The following PCOLCE2 variants were observed in gnomAD, a reference collection of about 807,000 sequenced individuals.
PCOLCE2 encodes the protein procollagen C-endopeptidase enhancer 2.
PCOLCE2 carries 42 observed loss-of-function variants against 47.0 expected under a neutral mutation model. The ratio of observed to expected loss-of-function variants is 0.89; its 90% CI spans 0.70 to 1.16. PCOLCE2 has a LOEUF of 1.16. Ranked by LOEUF, PCOLCE2 falls within the 50% of genes most tolerant of loss-of-function variation. PCOLCE2 has a pLI of 0.00. For synonymous variants in PCOLCE2, 169 were observed against 191.7 expected, an observed-to-expected ratio of 0.88 and a Z score of 0.98; for missense variants, 500 against 526.1, an observed-to-expected ratio of 0.95 and a Z score of 0.49.
intron 6 of PCOLCE2, among the ~76,000 whole-genome samples, chr3:142,826,638 T>C (rs748844219): frequency 3.3e-5 from 5 of 152,198 alleles, no homozygotes; most frequent in African/African-American, 9.7e-5. Context: ...ACTGAACTTA[T>C]TATCTCAATT....
chr3:142,846,315 G>A (rs370579273), intron 3 of PCOLCE2, among the ~76,000 whole-genome samples: 23 of 152,126 alleles, frequency 1.5e-4, no homozygotes, highest in African/African-American at 4.3e-4. Flanking sequence ...CTCCTGCCTC[G>A]GCCTCCCGAG....
At chr3:142,839,365 T>C (rs1578034437) in intron 4 of PCOLCE2, among the ~76,000 whole-genome samples, 1 of 151,896 alleles carries the variant, frequency 6.6e-6, no homozygotes. Context: ...CAGGCTGGAG[T>C]GCAGTGGTGC....
At chr3:142,856,144 G>C (rs994352413) in intron 2 of PCOLCE2, among the ~76,000 whole-genome samples, 1 of 152,162 alleles carries the variant, frequency 6.6e-6, no homozygotes, top group African/African-American at 2.4e-5. Context: ...CATCAGCTTT[G>C]CCTAACTGTA....
chr3:142,846,593 T>C lies in PCOLCE2; in HGVS notation c.448+1624A>G, dbSNP rs187789040. ...ATTTTTTCACTTTATTATCACTTTC[T>C]GGGACAAAAATTACAGATGTTAGAC... is the stretch of plus-strand genomic sequence containing the variant. On this transcript the variant is annotated intron_variant, in intron 3 of 8. Transcript: ENST00000295992. The C allele has an allele frequency of 8.5e-5, 13 of 152,356 alleles. No homozygotes were observed. In the East Asian group the frequency reaches 1.7e-3, roughly 20 times the overall value. The allele number at this position is 152,356 out of a possible 1,614,324, so 9.4% of individuals were successfully genotyped here.
At chr3:142,827,805 T>C (rs1937101547) in intron 6 of PCOLCE2, 1 of 583,296 alleles carries the variant, frequency 1.7e-6, no homozygotes. Flanking sequence ...GCATATCCAC[T>C]GGAAAATCTC....
intron 3 of PCOLCE2, among the ~76,000 whole-genome samples, chr3:142,846,132 G>A (rs1937326140): frequency 1.3e-5 from 2 of 152,132 alleles, no homozygotes; most frequent in African/African-American, 4.8e-5. Flanking sequence ...ATTATAATGT[G>A]CATGGGGGTG....
chr3:142,854,650 C>T (rs1434261929), intron 2 of PCOLCE2, among the ~76,000 whole-genome samples: 4 of 152,102 alleles, frequency 2.6e-5, no homozygotes, highest in Admixed American at 1.3e-4. Flanking sequence ...CTAGAAGGGG[C>T]GTGGAAACTC....
intron 3 of PCOLCE2, among the ~76,000 whole-genome samples, chr3:142,844,049 G>C (rs1033542809): frequency 6.6e-6 from 1 of 152,030 alleles, no homozygotes; most frequent in Admixed American, 6.5e-5. Flanking sequence ...CAATCCCCAC[G>C]ACCTGCTTCA....
At chr3:142,846,354 T>C (rs1473557157) in intron 3 of PCOLCE2, among the ~76,000 whole-genome samples, 2 of 152,124 alleles carry the variant, frequency 1.3e-5, no homozygotes, top group East Asian at 3.9e-4. Context: ...TGCACCACCA[T>C]GCCTGGCTAA....
At chr3:142,855,464 GTTATGATGACT>G (rs979005004) in intron 2 of PCOLCE2, among the ~76,000 whole-genome samples, 1 of 152,172 alleles carries the variant, frequency 6.6e-6, no homozygotes, top group African/African-American at 2.4e-5. Flanking sequence ...GCTGACAGCG[GTTATGATGACT>G]TGCCTAAGGC....
At chr3:142,824,952 C>T (rs994031890) in intron 6 of PCOLCE2, among the ~76,000 whole-genome samples, 5 of 152,068 alleles carry the variant, frequency 3.3e-5, no homozygotes, top group Non-Finnish European at 7.4e-5. Flanking sequence ...TAATCTGTAC[C>T]CCCTAGTTAA....
chr3:142,874,369 T>C (rs1933453956), intron 2 of PCOLCE2, among the ~76,000 whole-genome samples: 1 of 152,172 alleles, frequency 6.6e-6, no homozygotes, highest in Non-Finnish European at 1.5e-5. Context: ...CCACCGCACC[T>C]GGCCGAGCTG....
At position 142,858,608 on chromosome 3, in the gene PCOLCE2, G is replaced by A. The variant is rs527645321; in HGVS notation, c.193-10136C>T. Among the ~76,000 whole-genome samples, 12 of 152,258 alleles carry A rather than the reference G, an allele frequency of 7.9e-5. No individual in the cohort carries two copies. The South Asian group carries it at 2.5e-3, about 32-fold the overall frequency. On this transcript the variant is annotated intron_variant, in intron 2 of 8. Coordinates refer to ENST00000295992, the MANE Select transcript of PCOLCE2 (RefSeq NM_013363.4). ...CAGAAGCTGGCAGTGCCTCCCTGGG[G>A]TAAGTGGGGGGGTCCCACTAAGACA...
intron 2 of PCOLCE2, among the ~76,000 whole-genome samples, chr3:142,849,011 G>A (rs999539537): frequency 1.3e-5 from 2 of 152,056 alleles, no homozygotes; most frequent in African/African-American, 4.8e-5. Context: ...AGATTAGCCG[G>A]GTGTGGTGGG....
chr3:142,888,526 G>A (rs1224848242), intron 1 of PCOLCE2: 2 of 359,076 alleles, frequency 5.6e-6, no homozygotes, highest in Non-Finnish European at 1.0e-5. Context: ...GAGGAGAGGG[G>A]AGACACAAGT....
chr3:142,870,408 T>C (rs763395123), intron 2 of PCOLCE2, among the ~76,000 whole-genome samples: 17 of 152,220 alleles, frequency 1.1e-4, no homozygotes, highest in Non-Finnish European at 2.5e-4. Context: ...GTATTTTTCA[T>C]GTTTTGCTGC....
Position 142,848,070 on chromosome 3 carries a change from T to C in PCOLCE2, c.448+147A>G, listed in dbSNP as rs560169987. On this transcript the variant is annotated intron_variant, in intron 3 of 8. Coordinates refer to ENST00000295992, the MANE Select transcript of PCOLCE2 (RefSeq NM_013363.4). ...ATGTGGACTTAAATTAAAAGGCTGA[T>C]TTTTTGTATTGGTCTCATCATGGTT... The C allele has an allele frequency of 1.6e-4, 118 of 723,196 alleles. 1 individual carries two copies. Among genetic ancestry groups the C allele is most frequent in the South Asian group, 1.1e-3 (53 of 47,490 alleles). 44.8% of individuals were successfully genotyped at this position (723,196 alleles called of 1,614,324 possible).
chr3:142,829,647 A>T (rs1937123299), intron 6 of PCOLCE2, 45 bp downstream of exon 6: 7 of 1,437,184 alleles, frequency 4.9e-6, no homozygotes, highest in Non-Finnish European at 6.6e-6. Context: ...AATTCTTCTT[A>T]TACTCCTAAA....
chr3:142,818,536 TTACCTCTAGATAAA>T, intron 8 of PCOLCE2, 71 bp from the exon 9 acceptor site: 12 of 1,116,916 alleles, frequency 1.1e-5, no homozygotes, highest in Non-Finnish European at 1.6e-5. Flanking sequence ...AGACTGTAAG[TTACCTCTAGATAAA>T]TGTTCTCTTC....
Sources: allele counts gnomAD v4.1 joint callset (sites outside exome capture counted in the v4.1 genomes callset), GRCh38; gene constraint gnomAD v4.1.1; transcripts MANE v1.5; gene names NCBI Gene and HGNC (gene_info 2026-07-23, HGNC 2026-07-21).